Variants in DMXL1 observed in about 807,000 individuals in gnomAD.
The protein encoded by DMXL1 is Dmx like 1.
A neutral mutation model predicts 319.2 loss-of-function variants in DMXL1; 99 were observed. The observed-to-expected ratio is 0.31, with a 90% confidence interval of 0.26 to 0.37. DMXL1 has a LOEUF of 0.37. Ranked by LOEUF, DMXL1 falls within the 10% of genes least tolerant of loss-of-function variation. The probability of loss-of-function intolerance (pLI) is 1.00; values close to 1 mark genes in which losing one functional copy is unlikely to be tolerated. For missense variants in DMXL1, 3,745 were observed against 3,595.6 expected (o/e 1.04, Z -1.06); for synonymous variants, 1,385 against 1,235.2 (o/e 1.12, Z -2.54).
At chr5:119,113,505 TG>T (rs1280641184) in intron 5 of DMXL1, among the ~76,000 whole-genome samples, 1 of 152,240 alleles carries the variant, frequency 6.6e-6, no homozygotes, top group Non-Finnish European at 1.5e-5. Flanking sequence ...GCTCCCAAGG[TG>T]CTGGGATTAC....
intron 1 of DMXL1, among the ~76,000 whole-genome samples, chr5:119,083,118 G>C (rs1399538648): frequency 6.6e-6 from 1 of 151,702 alleles, no homozygotes; most frequent in African/African-American, 2.4e-5. Flanking sequence ...TCAGGCGATT[G>C]TTGTGCCTCA....
chr5:119,071,441 C>A lies in DMXL1; in HGVS notation c.-129C>A, dbSNP rs982137570. 2 of 899,346 alleles carry A rather than the reference C, an allele frequency of 2.2e-6. No individual in the cohort carries two copies. The highest frequency in any genetic ancestry group is 1.7e-6 in the Non-Finnish European group (1 of 572,924). The allele number at this position is 899,346 out of a possible 1,614,324, so 55.7% of individuals were successfully genotyped here. On this transcript the variant is annotated 5_prime_UTR_variant, in exon 1 of 44. Transcript: ENST00000539542. Reference sequence around the variant, plus strand: ...CCAGCTGAGCGGCTCCGGCTCCAGGCGCCTGTCGCTGCTTCTGCCGTCGCC... The same window carrying A: ...CCAGCTGAGCGGCTCCGGCTCCAGGAGCCTGTCGCTGCTTCTGCCGTCGCC...
chr5:119,121,434 C>A (rs572612312), intron 9 of DMXL1, among the ~76,000 whole-genome samples: 2 of 151,988 alleles, frequency 1.3e-5, no homozygotes, highest in South Asian at 4.2e-4. Context: ...TGCGGCCTTC[C>A]GCTGTGTTTG....
intron 2 of DMXL1, chr5:119,100,477 A>G (rs1757004086): frequency 6.6e-6 from 1 of 151,222 alleles, no homozygotes. Flanking sequence ...AGGCACCTGT[A>G]TTTTTATTAT....
chr5:119,204,230 C>T (rs973711710), intron 33 of DMXL1, among the ~76,000 whole-genome samples: 10 of 152,146 alleles, frequency 6.6e-5, no homozygotes, highest in Non-Finnish European at 4.4e-5. Flanking sequence ...CTCTGCCTCC[C>T]AGGCTCAAGC....
intron 22 of DMXL1, 126 bp downstream of exon 22, chr5:119,166,907 A>G (rs1016828327): frequency 1.4e-6 from 1 of 694,450 alleles, no homozygotes; most frequent in African/African-American, 1.9e-5. Flanking sequence ...ATCTGAAATA[A>G]CTGTTAATAT....
chr5:119,146,768 A>C, intron 15 of DMXL1, 69 bp from the exon 16 acceptor site: 1 of 1,435,158 alleles, frequency 7.0e-7, no homozygotes, highest in East Asian at 2.5e-5. Context: ...AATTATTTTA[A>C]CTTGGCATGT....
In DMXL1 at chr5:119,116,232, A is replaced by C. The variant is rs773201342; in HGVS notation, c.639A>C (p.Ser213=). ...RTAVTSPDGS[S]EKQSQGEIDF... is the part of the protein sequence containing the mutation. The stretch of plus-strand genomic sequence containing the variant: ...CTGTTACTTCTCCAGATGGAAGTTC[A>C]GAAAAACAATCCCAAGGAGAAATTG... The change falls in exon 7 of 44, where the codon TCA becomes TCC. Residue 213 remains serine, a synonymous_variant. Transcript: ENST00000539542. 6.2e-7 allele frequency: 1 copy of C among 1,613,982 alleles called. No individual in the cohort carries two copies. The highest frequency in any genetic ancestry group is 8.5e-7 in the Non-Finnish European group (1 of 1,180,016).
chr5:119,168,938 C>G (rs115715369), intron 23 of DMXL1, among the ~76,000 whole-genome samples: 4,202 of 151,946 alleles, frequency 0.028, 182 homozygotes, highest in African/African-American at 0.096. Context: ...GAGTCTCACT[C>G]TCACCCAGGC....
chr5:119,134,528 T>C (rs1264831885), intron 13 of DMXL1, 139 bp downstream of exon 13: 1 of 776,434 alleles, frequency 1.3e-6, no homozygotes, highest in Admixed American at 3.1e-5. Context: ...TTCACATTTG[T>C]ACTCTTGTAA....
At position 119,149,826 on chromosome 5, in the gene DMXL1, C is replaced by T; in HGVS notation, c.3999C>T (p.Leu1333=). The change falls in exon 18 of 44, where the codon CTC becomes CTT. Residue 1333 remains leucine, a synonymous_variant. Coordinates refer to ENST00000539542, the MANE Select transcript of DMXL1 (RefSeq NM_001290321.3). ...ATCATCCCTTGCAGCTTTTGGAACT[C>T]ATGGATCTTGGTAAAGTTCGGAGAG... ...PQYHPLQLLE[L]MDLGKVRRAK... 6.2e-7 allele frequency: 1 copy of T among 1,613,946 alleles called. No homozygotes were observed. Among genetic ancestry groups the T allele is most frequent in the Non-Finnish European group, 8.5e-7 (1 of 1,179,930 alleles).
intron 1 of DMXL1, among the ~76,000 whole-genome samples, chr5:119,083,009 C>T (rs929047771): frequency 2.6e-5 from 4 of 152,010 alleles, no homozygotes; most frequent in African/African-American, 9.7e-5. Context: ...CCTCCAGTTC[C>T]ATCCTTTTTA....
At chr5:119,246,071 T>C (rs1290705022) in intron 43 of DMXL1, among the ~76,000 whole-genome samples, 2 of 152,216 alleles carry the variant, frequency 1.3e-5, no homozygotes, top group East Asian at 3.8e-4. Flanking sequence ...ATACATGTCC[T>C]GAAAGCATTT....
At chr5:119,186,014 A>C (rs757552646) in intron 28 of DMXL1, among the ~76,000 whole-genome samples, 2 of 152,206 alleles carry the variant, frequency 1.3e-5, no homozygotes, top group Non-Finnish European at 2.9e-5. Flanking sequence ...GTTAACATAT[A>C]CCTCTTAGGA....
intron 1 of DMXL1, among the ~76,000 whole-genome samples, chr5:119,084,120 C>T (rs143778417): frequency 1.3e-5 from 2 of 151,696 alleles, no homozygotes; most frequent in Non-Finnish European, 2.9e-5. Flanking sequence ...GTATTCCCCC[C>T]CTCACCCCTT....
At chr5:119,082,014 TATATATACACAC>T (rs1421050628) in intron 1 of DMXL1, among the ~76,000 whole-genome samples, 2 of 73,080 alleles carry the variant, frequency 2.7e-5, no homozygotes, top group African/African-American at 8.6e-5. Flanking sequence ...TATATATATA[TATATATACACAC>T]ACACACACAC....
At chr5:119,118,193 T>A (rs1388854540) in intron 7 of DMXL1, among the ~76,000 whole-genome samples, 2 of 152,234 alleles carry the variant, frequency 1.3e-5, no homozygotes, top group Non-Finnish European at 2.9e-5. Context: ...TACTTTATCA[T>A]GAATATTCAA....
At chr5:119,209,838 T>C (rs1460490845) in intron 34 of DMXL1, among the ~76,000 whole-genome samples, 1 of 152,242 alleles carries the variant, frequency 6.6e-6, no homozygotes, top group Admixed American at 6.5e-5. Flanking sequence ...ATTAGGTTGC[T>C]TGTTTTCTTG....
intron 1 of DMXL1, among the ~76,000 whole-genome samples, chr5:119,095,605 T>C (rs1755771961): frequency 6.6e-6 from 1 of 152,232 alleles, no homozygotes; most frequent in South Asian, 2.1e-4. Flanking sequence ...AAATGTTGTT[T>C]AGAAGGGAGC....
Sources: allele counts gnomAD v4.1 joint callset (sites outside exome capture counted in the v4.1 genomes callset), GRCh38; gene constraint gnomAD v4.1.1; transcripts MANE v1.5; gene names NCBI Gene and HGNC (gene_info 2026-07-23, HGNC 2026-07-21).